DNAJC1: variants seen among roughly 807,000 people sequenced by gnomAD.
DNAJC1 encodes the protein DnaJ heat shock protein family (Hsp40) member C1.
A neutral mutation model predicts 76.6 loss-of-function variants in DNAJC1; 58 were observed. The observed-to-expected ratio is 0.76, with a 90% CI of 0.61 to 0.94. DNAJC1 has a LOEUF of 0.94. DNAJC1 is among the 40% of genes least tolerant of loss of function. The probability of loss-of-function intolerance (pLI) is 0.00; values close to 1 mark genes in which losing one functional copy is unlikely to be tolerated. For synonymous variants in DNAJC1, 258 were observed against 267.9 expected (o/e 0.96, Z 0.36); for missense variants, 689 against 677.3 (o/e 1.02, Z -0.19).
intron 8 of DNAJC1, among the ~76,000 whole-genome samples, chr10:21,821,320 T>C (rs1352273365): frequency 6.6e-6 from 1 of 152,148 alleles, no homozygotes; most frequent in Non-Finnish European, 1.5e-5. Context: ...CCAGGAATTG[T>C]AGAAAAAAAT....
At chr10:21,993,915 T>A (rs541181050) in intron 1 of DNAJC1, among the ~76,000 whole-genome samples, 2 of 152,206 alleles carry the variant, frequency 1.3e-5, no homozygotes, top group South Asian at 2.1e-4. Context: ...AAACTTTTTT[T>A]AAAAAAATTG....
At chr10:21,966,168 T>C (rs2666760) in intron 1 of DNAJC1, among the ~76,000 whole-genome samples, 99,458 of 151,984 alleles carry the variant, frequency 0.65, 32,974 homozygotes, top group East Asian at 0.95. Flanking sequence ...ACCATGTAAG[T>C]TATATTGTAC....
chr10:21,975,854 CAT>C (rs1373149420), intron 1 of DNAJC1, among the ~76,000 whole-genome samples: 1 of 152,206 alleles, frequency 6.6e-6, no homozygotes, highest in Non-Finnish European at 1.5e-5. Flanking sequence ...TCAAACTACA[CAT>C]GTCCTTCATT....
In DNAJC1 at chr10:21,938,890, T is replaced by TTTTG. The variant is rs540310351; in HGVS notation, c.223-9753_223-9750dup. ...CTCTTCAGGTTTTTTTTGGTTTGTT[T>TTTTG]TTTGTTTGTTTGTTTGTTTGAGACG... On this transcript the variant is annotated intron_variant, in intron 1 of 11. Coordinates refer to ENST00000376980, the MANE Select transcript of DNAJC1 (RefSeq NM_022365.4). 5.1e-3 allele frequency among the ~76,000 whole-genome samples: 775 copies of TTTTG among 151,544 alleles called. 9 individuals are homozygous for TTTTG. Among genetic ancestry groups the TTTTG allele is most frequent in the African/African-American group, 0.017 (713 of 40,894 alleles).
intron 8 of DNAJC1, among the ~76,000 whole-genome samples, chr10:21,836,670 TTG>T (rs1835464552): frequency 6.6e-6 from 1 of 151,848 alleles, no homozygotes; most frequent in Admixed American, 6.6e-5. Flanking sequence ...AAGGCAGGGG[TTG>T]CAATCCTAGT....
At chr10:21,821,207 G>T (rs183325468) in intron 8 of DNAJC1, among the ~76,000 whole-genome samples, 1 of 152,284 alleles carries the variant, frequency 6.6e-6, no homozygotes, top group Non-Finnish European at 1.5e-5. Context: ...GCAGGTGAAA[G>T]GAGGGCAGGA....
chr10:21,836,839 T>C lies in DNAJC1; in HGVS notation c.979-30740A>G, dbSNP rs28793304. Among the ~76,000 whole-genome samples the C allele has an allele frequency of 2.9e-3, 448 of 152,238 alleles. 1 individual carries two copies. Among genetic ancestry groups the C allele is most frequent in the African/African-American group, 0.011 (437 of 41,548 alleles). ...CCAGATTCATAAAGCAAGTCCTGAGTGACCTACAAAGAGACTTAGACTCCC... is the reference window on the plus strand; with the variant it reads ...CCAGATTCATAAAGCAAGTCCTGAGCGACCTACAAAGAGACTTAGACTCCC... On this transcript the variant is annotated intron_variant, in intron 8 of 11. Transcript: ENST00000376980.
chr10:21,935,410 G>C (rs1013660762), intron 1 of DNAJC1, among the ~76,000 whole-genome samples: 1 of 151,920 alleles, frequency 6.6e-6, no homozygotes, highest in African/African-American at 2.4e-5. Flanking sequence ...TGAACACTTA[G>C]ATCAATAGCG....
rs781026180 is a variant in DNAJC1 at position 21,920,926 on chromosome 10, G to A, written c.409C>T (p.Arg137Ter). ...DILINGLPDW[R>*]QPVFYYRRVR... Reference sequence around the variant, plus strand: ...CGCCTGTAGTAGAATACAGGCTGTCGCCAATCTGGAAGTCCATTGATCAGA... The same window carrying A: ...CGCCTGTAGTAGAATACAGGCTGTCACCAATCTGGAAGTCCATTGATCAGA... The change falls in exon 4 of 12, where the codon CGA becomes TGA. Residue 137 changes from arginine to a stop codon, truncating the protein, a stop_gained. Transcript: ENST00000376980. LOFTEE classifies it high-confidence loss of function. 9 of 1,611,440 alleles carry A rather than the reference G, an allele frequency of 5.6e-6. No individual in the cohort carries two copies. Among genetic ancestry groups the A allele is most frequent in the Admixed American group, 3.3e-5 (2 of 59,788 alleles).
chr10:21,853,050 A>G (rs1281866215), intron 8 of DNAJC1, among the ~76,000 whole-genome samples: 1 of 152,172 alleles, frequency 6.6e-6, no homozygotes, highest in Non-Finnish European at 1.5e-5. Flanking sequence ...TTTACAAAAC[A>G]GAGCATGTCA....
chr10:21,972,595 A>G (rs903540601), intron 1 of DNAJC1, among the ~76,000 whole-genome samples: 2 of 152,090 alleles, frequency 1.3e-5, no homozygotes, highest in African/African-American at 4.8e-5. Context: ...TACAAGTTAA[A>G]TTAATCTAAT....
chr10:21,762,140 T>C lies in DNAJC1; in HGVS notation c.1148-2522A>G, dbSNP rs181848888. ...TTATAGAACAGACGAGGTTTCACCA[T>C]GTTGGCCAGGATGGTCTCAATCTCT... On this transcript the variant is annotated intron_variant, in intron 10 of 11. Coordinates refer to ENST00000376980, the MANE Select transcript of DNAJC1 (RefSeq NM_022365.4). Among the ~76,000 whole-genome samples, 3 of 152,280 alleles carry C rather than the reference T, an allele frequency of 2.0e-5. No individual in the cohort carries two copies. The East Asian group carries it at 5.8e-4, about 29-fold the overall frequency.
At chr10:21,793,044 G>A (rs952334157) in intron 9 of DNAJC1, among the ~76,000 whole-genome samples, 10 of 152,092 alleles carry the variant, frequency 6.6e-5, no homozygotes, top group Admixed American at 2.0e-4. Context: ...GGTGGCTCAT[G>A]CCTATAATCC....
chr10:21,859,255 T>C (rs1235614759), intron 8 of DNAJC1, among the ~76,000 whole-genome samples: 3 of 152,152 alleles, frequency 2.0e-5, no homozygotes, highest in Non-Finnish European at 4.4e-5. Flanking sequence ...GATTGAGCCA[T>C]GAAAGATTCT....
intron 10 of DNAJC1, among the ~76,000 whole-genome samples, chr10:21,761,184 C>T (rs765220111): frequency 2.2e-4 from 33 of 151,668 alleles, no homozygotes; most frequent in Non-Finnish European, 4.3e-4. Context: ...TGTCTCAAAA[C>T]AACAACAAAA....
chr10:21,807,508 CT>C (rs1392483520), intron 8 of DNAJC1, among the ~76,000 whole-genome samples: 4 of 152,188 alleles, frequency 2.6e-5, no homozygotes, highest in African/African-American at 9.6e-5. Context: ...TGCATTGCCC[CT>C]GTTAAAGGGC....
intron 1 of DNAJC1, among the ~76,000 whole-genome samples, chr10:21,975,368 A>C (rs1237087367): frequency 1.3e-5 from 2 of 152,058 alleles, no homozygotes; most frequent in Admixed American, 1.3e-4. Context: ...AGAGACCAAA[A>C]TCACAGACTA....
chr10:21,922,600 A>G (rs1201126070), intron 3 of DNAJC1, among the ~76,000 whole-genome samples: 2 of 152,044 alleles, frequency 1.3e-5, no homozygotes, highest in Non-Finnish European at 2.9e-5. Context: ...TGACTTCATA[A>G]AAACTATCAT....
rs188476893 is a variant in DNAJC1 at position 21,863,057 on chromosome 10, G to A, written c.978+19225C>T. Among the ~76,000 whole-genome samples, 401 of 152,126 alleles carry A rather than the reference G, an allele frequency of 2.6e-3. 6 individuals carry two copies. The highest frequency in any genetic ancestry group is 2.9e-3 in the Non-Finnish European group (198 of 67,998). On this transcript the variant is annotated intron_variant, in intron 8 of 11. Transcript: ENST00000376980. ...TGACGCAGGAGAATCGCTTGAACCCGGGAGGCGGAGGTTGCAGTGTGCCGA... is the reference window on the plus strand; with the variant it reads ...TGACGCAGGAGAATCGCTTGAACCCAGGAGGCGGAGGTTGCAGTGTGCCGA...
Sources: allele counts gnomAD v4.1 joint callset (sites outside exome capture counted in the v4.1 genomes callset), GRCh38; gene constraint gnomAD v4.1.1; transcripts MANE v1.5; gene names NCBI Gene and HGNC (gene_info 2026-07-23, HGNC 2026-07-21).